Variants in FERMT2 observed in about 807,000 individuals in gnomAD.
The protein encoded by FERMT2 is FERM domain containing kindlin 2, also known as fermitin family homolog 2.
FERMT2 carries 15 observed loss-of-function variants against 82.7 expected under a neutral mutation model. The ratio of observed to expected loss-of-function variants is 0.18; its 90% CI spans 0.12 to 0.28. FERMT2 has a LOEUF of 0.28. Among genes scored for constraint, FERMT2 ranks in the 10% least tolerant of loss-of-function variants. The pLI is 1.00. For synonymous variants in FERMT2, 274 were observed against 271.5 expected (o/e 1.01, Z -0.09); for missense variants, 645 against 809.4 (o/e 0.80, Z 2.46).
At chr14:52,864,992 G>A (rs1287261531) in intron 10 of FERMT2, 139 bp from the exon 11 acceptor site, 1 of 617,914 alleles carries the variant, frequency 1.6e-6, no homozygotes, top group African/African-American at 1.8e-5. Flanking sequence ...GCTGCAGAAG[G>A]TAACATACAC....
At position 52,920,626 on chromosome 14, in the gene FERMT2, C is replaced by A. The variant is rs1274644463; in HGVS notation, c.158-1270G>T. On this transcript the variant is annotated intron_variant, in intron 2 of 14. Transcript: ENST00000341590. ...CCAGCCTGGGCAAGGGAGCGAGACT[C>A]TGTCTCAAGGAAAACAACTTCCAGG... Among the ~76,000 whole-genome samples, 5 of 151,980 alleles carry A rather than the reference C, an allele frequency of 3.3e-5. No homozygotes were observed. The East Asian group carries it at 5.8e-4, about 18-fold the overall frequency.
At chr14:52,928,300 T>C (rs1031346654) in intron 2 of FERMT2, 19 of 202,414 alleles carry the variant, frequency 9.4e-5, no homozygotes, top group African/African-American at 1.6e-4. Context: ...CTGATAAATA[T>C]ATACTTTTGT....
At chr14:52,888,240 G>T (rs76499505) in intron 4 of FERMT2, among the ~76,000 whole-genome samples, 1,569 of 152,140 alleles carry the variant, frequency 0.01, 26 homozygotes, top group African/African-American at 0.036. Context: ...CCTACCAAAC[G>T]AAAGTATTTT....
At chr14:52,895,524 T>A (rs1887206885) in intron 3 of FERMT2, among the ~76,000 whole-genome samples, 1 of 152,084 alleles carries the variant, frequency 6.6e-6, no homozygotes, top group Non-Finnish European at 1.5e-5. Context: ...AACTGACACA[T>A]GCAATAAAAT....
At chr14:52,860,836 C>T in intron 12 of FERMT2, 1 of 641,698 alleles carries the variant, frequency 1.6e-6, no homozygotes, top group Non-Finnish European at 2.7e-6. Flanking sequence ...AGAATGAATA[C>T]CTGGAATACA....
chr14:52,893,551 A>T, intron 3 of FERMT2, 124 bp from the exon 4 acceptor site: 1 of 690,572 alleles, frequency 1.4e-6, no homozygotes, highest in Non-Finnish European at 2.4e-6. Flanking sequence ...TGTGTCAGAC[A>T]TTGATGTCAT....
At chr14:52,893,856 T>C (rs1887101831) in intron 3 of FERMT2, among the ~76,000 whole-genome samples, 1 of 151,858 alleles carries the variant, frequency 6.6e-6, no homozygotes, top group African/African-American at 2.4e-5. Context: ...GAGACGGAGT[T>C]TCACTCTTGT....
chr14:52,876,488 C>T lies in FERMT2; in HGVS notation c.964-1131G>A, dbSNP rs549164687. 3.3e-5 allele frequency among the ~76,000 whole-genome samples: 5 copies of T among 152,242 alleles called. 1 individual carries two copies. The South Asian group carries it at 6.2e-4, about 19-fold the overall frequency. On this transcript the variant is annotated intron_variant, in intron 7 of 14. Coordinates refer to ENST00000341590, the MANE Select transcript of FERMT2 (RefSeq NM_006832.3). The stretch of plus-strand genomic sequence containing the variant: ...CTGGAATCTGCATTTTTACTCACTG[C>T]TCTGGGTAATTCTGATGCAAAATGT...
chr14:52,887,549 C>T (rs1441938504), intron 4 of FERMT2, among the ~76,000 whole-genome samples: 1 of 151,690 alleles, frequency 6.6e-6, no homozygotes, highest in Non-Finnish European at 1.5e-5. Context: ...AACATTATGG[C>T]CAGGCATGGT....
At chr14:52,899,166 C>G (rs2139569409) in intron 3 of FERMT2, among the ~76,000 whole-genome samples, 1 of 152,154 alleles carries the variant, frequency 6.6e-6, no homozygotes, top group Non-Finnish European at 1.5e-5. Flanking sequence ...CTTGTAAAAT[C>G]AATAATAATA....
intron 9 of FERMT2, 54 bp downstream of exon 9, chr14:52,874,123 T>C (rs146577361): frequency 8.6e-7 from 1 of 1,157,538 alleles, no homozygotes; most frequent in Non-Finnish European, 1.2e-6. Flanking sequence ...AATGTGACCA[T>C]GACTATAAAG....
chr14:52,922,525 CAA>C (rs1566752454), intron 2 of FERMT2, among the ~76,000 whole-genome samples: 3 of 151,614 alleles, frequency 2.0e-5, no homozygotes, highest in Non-Finnish European at 4.4e-5. Context: ...CAGGGCGCTG[CAA>C]AGACATAATA....
Position 52,898,011 on chromosome 14 carries a change from C to T in FERMT2, c.392-4584G>A, listed in dbSNP as rs1405312332. 2.0e-5 allele frequency among the ~76,000 whole-genome samples: 3 copies of T among 148,932 alleles called. No homozygotes were observed. In the South Asian group the frequency reaches 6.3e-4, roughly 31 times the overall value. On this transcript the variant is annotated intron_variant, in intron 3 of 14. Transcript: ENST00000341590. Reference sequence around the variant, plus strand: ...AAAAAAAAACAACCAAAAAAAAAACCCCACAAAGAAAGAAACACTGTGGGA... The same window carrying T: ...AAAAAAAAACAACCAAAAAAAAAACTCCACAAAGAAAGAAACACTGTGGGA...
chr14:52,933,217 G>T (rs1889670376), intron 2 of FERMT2, among the ~76,000 whole-genome samples: 1 of 152,010 alleles, frequency 6.6e-6, no homozygotes, highest in Non-Finnish European at 1.5e-5. Context: ...CTCTCCCTCA[G>T]CTTTTCTTTC....
rs1294419295 is a variant in FERMT2 at position 52,933,508 on chromosome 14, C to T, written c.158-14152G>A. ...GGGGAATCACCTAAGGTCGGGAGTT[C>T]GAGACCAGCCTGACCAACATGGAGA... On this transcript the variant is annotated intron_variant, in intron 2 of 14. Transcript: ENST00000341590. Among the ~76,000 whole-genome samples the T allele has an allele frequency of 4.6e-5, 7 of 151,758 alleles. No homozygotes were observed. The East Asian group carries it at 5.8e-4, about 13-fold the overall frequency.
At chr14:52,909,361 G>A (rs1323864572) in intron 3 of FERMT2, among the ~76,000 whole-genome samples, 1 of 152,158 alleles carries the variant, frequency 6.6e-6, no homozygotes, top group African/African-American at 2.4e-5. Context: ...GAGGGGTGAG[G>A]AACTGAGGGA....
At chr14:52,917,755 T>C (rs916556606) in intron 3 of FERMT2, among the ~76,000 whole-genome samples, 20 of 152,140 alleles carry the variant, frequency 1.3e-4, no homozygotes, top group African/African-American at 4.1e-4. Context: ...AAAGTTGGTA[T>C]TGGTTTAAGG....
intron 10 of FERMT2, among the ~76,000 whole-genome samples, chr14:52,868,552 C>T (rs763587509): frequency 2.6e-5 from 4 of 152,274 alleles, no homozygotes; most frequent in Admixed American, 1.3e-4. Context: ...GTTTGTGGCA[C>T]AGGAGTTCAC....
intron 4 of FERMT2, among the ~76,000 whole-genome samples, chr14:52,886,180 CAG>C (rs1364910646): frequency 2.0e-5 from 3 of 151,902 alleles, no homozygotes; most frequent in African/African-American, 7.3e-5. Context: ...GGCAAAAACA[CAG>C]ATTTACAACA....
Sources: allele counts gnomAD v4.1 joint callset (sites outside exome capture counted in the v4.1 genomes callset), GRCh38; gene constraint gnomAD v4.1.1; transcripts MANE v1.5; gene names NCBI Gene and HGNC (gene_info 2026-07-23, HGNC 2026-07-21).